MAST1: variants seen among roughly 807,000 people sequenced by gnomAD.
MAST1 encodes microtubule-associated serine/threonine-protein kinase 1.
In MAST1, 40 loss-of-function variants were observed where a neutral mutation model predicts 124.6. The ratio of observed to expected loss-of-function variants is 0.32; its 90% CI spans 0.25 to 0.42. MAST1 has a LOEUF of 0.42. Among genes scored for constraint, MAST1 ranks in the 10% least tolerant of loss-of-function variants. The pLI, the probability that MAST1 is intolerant of heterozygous loss-of-function variation, is 1.00. For synonymous variants in MAST1, 938 were observed against 939.4 expected (o/e 1.00, Z 0.03); for missense variants, 1,558 against 2,181.9 (o/e 0.71, Z 5.70).
intron 12 of MAST1, among the ~76,000 whole-genome samples, chr19:12,861,680 CTCTT>C (rs3064403): frequency 0.07 from 10,078 of 143,456 alleles, 410 homozygotes; most frequent in Middle Eastern, 0.1. Flanking sequence ...TTCTTTTTCT[CTCTT>C]TCTTTCTTTC....
Position 12,841,148 on chromosome 19 carries a change from T to C in MAST1, c.248+82T>C. The C allele has an allele frequency of 1.4e-6, 1 of 739,574 alleles. No individual in the cohort carries two copies. The allele number at this position is 739,574 out of a possible 1,614,324, so 45.8% of individuals were successfully genotyped here. A position where few individuals can be genotyped will look rare whatever the true frequency, so the allele number is the denominator to read the frequency against. The stretch of plus-strand genomic sequence containing the variant: ...TCTGGGCCGCCATCTGTTCTCCTCC[T>C]AATTGCACCCGAGCTGGGGCCTGAG... On this transcript the variant is annotated intron_variant, in intron 3 of 25. Coordinates refer to ENST00000251472, the MANE Select transcript of MAST1 (RefSeq NM_014975.3). This position sits in a 1 kb window ranked among gnomAD's most constrained non-coding sequence, Gnocchi z 4.3.
intron 22 of MAST1, 78 bp from the exon 23 acceptor site, chr19:12,870,746 T>A (rs1027647623): frequency 7.1e-7 from 1 of 1,402,910 alleles, no homozygotes; most frequent in Non-Finnish European, 9.7e-7. Context: ...CAGAGCTAAG[T>A]GTCCTGCATA....
chr19:12,869,041 T>C (rs369417126), intron 21 of MAST1, 25 bp from the exon 22 acceptor site: 3 of 1,609,234 alleles, frequency 1.9e-6, no homozygotes, highest in Non-Finnish European at 2.6e-6. Context: ...GGTTCTGATT[T>C]CTGACCATGG....
Position 12,847,956 on chromosome 19 carries a change from A to G in MAST1, c.673A>G (p.Ile225Val), listed in dbSNP as rs1969917114. The G allele has an allele frequency of 6.2e-7, 1 of 1,613,986 alleles. No individual in the cohort carries two copies. The highest frequency in any genetic ancestry group is 1.3e-5 in the African/African-American group (1 of 74,950). Residue 225 changes from isoleucine (I) to valine (V), a missense_variant, in exon 7 of 26, where the codon ATC (isoleucine) becomes GTC (valine). Ile to Val is a conservative substitution (Grantham distance 29, BLOSUM62 3). Around this residue, in one of 10 missense-constraint regions of MAST1, gnomAD observed 165 missense variants for 315.3 expected, o/e 0.52. Transcript: ENST00000251472. The surrounding 1 kb of genome is among the most constrained non-coding windows in gnomAD (Gnocchi z 5.5). ...GVLSFIHHQIIELARDCLTKS... is the reference protein window; with the variant it reads ...GVLSFIHHQIVELARDCLTKS... ...GCTCAGCTTCATCCACCACCAGATC[A>G]TCGAGCTGGCCCGGGACTGCCTGAC... is the stretch of plus-strand genomic sequence containing the variant.
chr19:12,866,112 G>A lies in MAST1; in HGVS notation c.2029+10G>A. 1.2e-6 allele frequency: 2 copies of A among 1,613,794 alleles called. No homozygotes were observed. Among genetic ancestry groups the A allele is most frequent in the East Asian group, 2.2e-5 (1 of 44,884 alleles). ...ACTAGCTACTTTGACAGTGAGCTGG[G>A]ACACCAGGCACGACCTGGGTCGAGG... On this transcript the variant is annotated intron_variant, in intron 17 of 25. Coordinates refer to ENST00000251472, the MANE Select transcript of MAST1 (RefSeq NM_014975.3). This position sits in a 1 kb window ranked among gnomAD's most constrained non-coding sequence, Gnocchi z 5.2.
At chr19:12,840,197 A>G (rs1353041047) in intron 1 of MAST1, among the ~76,000 whole-genome samples, 1 of 152,206 alleles carries the variant, frequency 6.6e-6, no homozygotes, top group Non-Finnish European at 1.5e-5. Flanking sequence ...CTATCACACC[A>G]TGACAGACAC....
chr19:12,858,089 G>T lies in MAST1; in HGVS notation c.1078-273G>T, dbSNP rs112903349. ...CCCACTTTTTTCTCTTCAATTGTTA[G>T]GCTTTTGTTATTGATTTTTGGGAAC... On this transcript the variant is annotated intron_variant, in intron 10 of 25. Transcript: ENST00000251472. Among the ~76,000 whole-genome samples the T allele has an allele frequency of 2.7e-3, 400 of 146,376 alleles. 2 individuals are homozygous for T. Among genetic ancestry groups the T allele is most frequent in the Non-Finnish European group, 5.0e-3 (336 of 66,798 alleles).
chr19:12,871,304 G>T (rs1242239137), intron 24 of MAST1, 132 bp downstream of exon 24: 4 of 1,374,442 alleles, frequency 2.9e-6, no homozygotes, highest in Non-Finnish European at 4.0e-6. Flanking sequence ...GCAAAGGGAA[G>T]AGGACAATTA....
At position 12,858,638 on chromosome 19, in the gene MAST1, A is replaced by T; in HGVS notation, c.1265A>T (p.Glu422Val). Residue 422 changes from glutamate (E) to valine (V), a missense_variant, in exon 12 of 26, where the codon GAG (glutamate) becomes GTG (valine). Coordinates refer to ENST00000251472, the MANE Select transcript of MAST1 (RefSeq NM_014975.3). Reference protein sequence around the residue: ...LRNQIQQAFVERDILTFAENP... With the variant: ...LRNQIQQAFVVRDILTFAENP... The stretch of plus-strand genomic sequence containing the variant: ...AACCAGATCCAGCAGGCCTTTGTGG[A>T]GCGCGATATCCTCACCTTCGCCGAG... 6.2e-7 allele frequency: 1 copy of T among 1,614,182 alleles called. No homozygotes were observed. Among genetic ancestry groups the T allele is most frequent in the East Asian group, 2.2e-5 (1 of 44,880 alleles).
intron 21 of MAST1, 52 bp downstream of exon 21, chr19:12,868,901 G>C: frequency 6.4e-7 from 1 of 1,559,992 alleles, no homozygotes; most frequent in Non-Finnish European, 8.7e-7. Flanking sequence ...ATTTGAGGCA[G>C]GACAGACCAA....
chr19:12,871,350 T>C (rs1844024477), intron 24 of MAST1, among the ~76,000 whole-genome samples, 178 bp downstream of exon 24: 1 of 152,112 alleles, frequency 6.6e-6, no homozygotes, highest in African/African-American at 2.4e-5. Flanking sequence ...GGCTCACGCC[T>C]GTAACCCCAG....
chr19:12,852,270 G>A, intron 9 of MAST1, 23 bp downstream of exon 9: 1 of 1,614,052 alleles, frequency 6.2e-7, no homozygotes, highest in East Asian at 2.2e-5. Context: ...GGGCGCAGGG[G>A]GACTGGGGGT....
intron 22 of MAST1, 144 bp downstream of exon 22, chr19:12,869,439 T>C (rs986498790): frequency 5.9e-6 from 4 of 679,718 alleles, no homozygotes; most frequent in African/African-American, 5.4e-5. Context: ...CTTTTTTCTT[T>C]TACTTTTTTA....
chr19:12,864,393 CA>C (rs35351874), intron 12 of MAST1, among the ~76,000 whole-genome samples: 9,282 of 118,334 alleles, frequency 0.078, 888 homozygotes, highest in African/African-American at 0.25. Flanking sequence ...GACCCTGTCT[CA>C]AAAAAAAAAA....
At position 12,843,636 on chromosome 19, in the gene MAST1, G is replaced by T; in HGVS notation, c.327+29G>T. 1 of 1,600,238 alleles carries T rather than the reference G, an allele frequency of 6.2e-7. No individual in the cohort carries two copies. The highest frequency in any genetic ancestry group is 8.5e-7 in the Non-Finnish European group (1 of 1,170,102). ...AGTGTGGAAAGTAGGTGGGTGGGCC[G>T]GTGGGTAAGGAATTCAGGGGCCCTC... On this transcript the variant is annotated intron_variant, in intron 4 of 25. Transcript: ENST00000251472. This position sits in a 1 kb window ranked among gnomAD's most constrained non-coding sequence, Gnocchi z 4.9.
intron 10 of MAST1, 49 bp downstream of exon 10, chr19:12,852,444 G>C: frequency 6.6e-7 from 1 of 1,517,884 alleles, no homozygotes; most frequent in East Asian, 2.3e-5. Context: ...TGGGAGGGCA[G>C]GGTGGGGCTC....
rs186437404 is a variant in MAST1, at chr19:12,838,737, G to A, written c.83+82G>A. 9,312 of 1,278,216 alleles carry A rather than the reference G, an allele frequency of 7.3e-3. 53 individuals are homozygous for A. The highest frequency in any genetic ancestry group is 0.024 in the Middle Eastern group (126 of 5,302). The allele number at this position is 1,278,216 out of a possible 1,614,324, so 79.2% of individuals were successfully genotyped here. ...CGGGTACTGCTGCAGGGCGGGGCCC[G>A]GGATGCTGCGCCCGGTCCAGCTGCG... On this transcript the variant is annotated intron_variant, in intron 1 of 25. Coordinates refer to ENST00000251472, the MANE Select transcript of MAST1 (RefSeq NM_014975.3). The surrounding 1 kb of genome is among the most constrained non-coding windows in gnomAD (Gnocchi z 4.3).
chr19:12,863,987 C>T (rs1380870896), intron 12 of MAST1, among the ~76,000 whole-genome samples: 2 of 146,814 alleles, frequency 1.4e-5, no homozygotes, highest in East Asian at 4.1e-4. Context: ...TGCAGTGGTG[C>T]GATCTTGGAT....
chr19:12,873,832 G>T lies in MAST1; in HGVS notation c.3675G>T (p.Thr1225=). The T allele has an allele frequency of 1.9e-6, 3 of 1,591,888 alleles. No homozygotes were observed. The highest frequency in any genetic ancestry group is 2.2e-5 in the South Asian group (2 of 89,558). Residue 1225 remains threonine, a synonymous_variant, in exon 26 of 26, where the codon ACG becomes ACT. Coordinates refer to ENST00000251472, the MANE Select transcript of MAST1 (RefSeq NM_014975.3). The stretch of plus-strand genomic sequence containing the variant: ...CACCGCCGCCACTGCCGGGCCACAC[G>T]GTGGGCAGCTCGCACACTACTCAGA... ...QASPPPLPGH[T]VGSSHTTQSF...
Sources: allele counts gnomAD v4.1 joint callset (sites outside exome capture counted in the v4.1 genomes callset), GRCh38; gene constraint gnomAD v4.1.1; regional missense constraint gnomAD v4.1.1; non-coding constraint Gnocchi (gnomAD v3.1); transcripts MANE v1.5; gene names NCBI Gene and HGNC (gene_info 2026-07-23, HGNC 2026-07-21).